The following FOCAD variants were observed in gnomAD, a reference collection of about 807,000 sequenced individuals.
FOCAD encodes focadhesin.
In FOCAD, 198 loss-of-function variants were observed where a neutral mutation model predicts 225.6. The observed-to-expected ratio is 0.88, with a 90% CI of 0.78 to 0.99. The LOEUF (loss-of-function observed/expected upper bound fraction) is 0.99, where lower values mean the gene tolerates loss of function less well. Ranked by LOEUF, FOCAD falls within the 50% of genes least tolerant of loss-of-function variation. FOCAD has a pLI of 0.00. For missense variants in FOCAD, 2,713 were observed against 2,123.6 expected (o/e 1.28, Z -5.46); for synonymous variants, 897 against 755.0 (o/e 1.19, Z -3.08).
At chr9:20,797,318 A>T (rs1821229446) in intron 11 of FOCAD, among the ~76,000 whole-genome samples, 1 of 152,164 alleles carries the variant, frequency 6.6e-6, no homozygotes, top group African/African-American at 2.4e-5. Flanking sequence ...TTGGTTCCGT[A>T]TGAACTTTAA....
At chr9:20,715,924 CT>C (rs1442628737) in intron 2 of FOCAD, among the ~76,000 whole-genome samples, 6 of 152,126 alleles carry the variant, frequency 3.9e-5, no homozygotes, top group Admixed American at 3.9e-4. Flanking sequence ...ACAAAGATGG[CT>C]TTCTGGGTAG....
chr9:20,883,736 G>C (rs1285123057), intron 20 of FOCAD, among the ~76,000 whole-genome samples: 1 of 152,312 alleles, frequency 6.6e-6, no homozygotes, highest in Non-Finnish European at 1.5e-5. Flanking sequence ...ACAACCTGTA[G>C]GTTGCAGCTA....
At chr9:20,938,352 T>C (rs1251932732) in intron 28 of FOCAD, among the ~76,000 whole-genome samples, 1 of 152,066 alleles carries the variant, frequency 6.6e-6, no homozygotes, top group Non-Finnish European at 1.5e-5. Context: ...AATGATAGAC[T>C]GGATTAAGAA....
intron 15 of FOCAD, among the ~76,000 whole-genome samples, chr9:20,824,168 C>T (rs982290597): frequency 1.3e-5 from 2 of 152,086 alleles, no homozygotes; most frequent in Non-Finnish European, 2.9e-5. Context: ...CAGGAGAATA[C>T]CACACATGCC....
chr9:20,865,697 A>G (rs1368265174), intron 16 of FOCAD, among the ~76,000 whole-genome samples: 1 of 152,110 alleles, frequency 6.6e-6, no homozygotes, highest in Admixed American at 6.6e-5. Context: ...AGGTTTCTAA[A>G]TTTCATTATC....
intron 1 of FOCAD, among the ~76,000 whole-genome samples, chr9:20,696,934 C>T (rs1823421391): frequency 1.3e-5 from 2 of 152,186 alleles, no homozygotes; most frequent in South Asian, 4.1e-4. Context: ...AGTCGGTCCT[C>T]TCCTGCCCTC....
rs576195100 is a variant in FOCAD, at chr9:20,723,634, A to G, written c.287+3100A>G. Among the ~76,000 whole-genome samples the G allele has an allele frequency of 1.6e-4, 25 of 152,348 alleles. 1 individual carries two copies. The highest frequency in any genetic ancestry group is 6.2e-4 in the South Asian group (3 of 4,832). ...CTGTTAGTAGGTCTTATTATATTCT[A>G]TGTAATATATAATAGAAAATTTGTA... On this transcript the variant is annotated intron_variant, in intron 4 of 43. Coordinates refer to ENST00000338382, the MANE Select transcript of FOCAD (RefSeq NM_001375567.1).
chr9:20,717,629 G>A (rs978856647), intron 2 of FOCAD, among the ~76,000 whole-genome samples, 165 bp from the exon 3 acceptor site: 2 of 152,182 alleles, frequency 1.3e-5, no homozygotes, highest in African/African-American at 4.8e-5. Context: ...ATTAGAAATT[G>A]TGCATGTGGA....
At chr9:20,766,524 A>C (rs962464080) in intron 7 of FOCAD, among the ~76,000 whole-genome samples, 2 of 151,922 alleles carry the variant, frequency 1.3e-5, no homozygotes, top group Non-Finnish European at 2.9e-5. Flanking sequence ...TTTGACCTTC[A>C]TTTTTCTCAT....
intron 11 of FOCAD, among the ~76,000 whole-genome samples, chr9:20,797,753 C>A (rs1442358800): frequency 6.6e-6 from 1 of 152,168 alleles, no homozygotes; most frequent in African/African-American, 2.4e-5. Flanking sequence ...TGGGCTGAGA[C>A]GATGGGGTTT....
intron 33 of FOCAD, among the ~76,000 whole-genome samples, chr9:20,950,020 G>C (rs912982594): frequency 2.6e-5 from 4 of 152,064 alleles, no homozygotes; most frequent in African/African-American, 9.7e-5. Context: ...GAAAGGTCAA[G>C]AGGCACTAAT....
chr9:20,919,240 A>G (rs1564151260), intron 24 of FOCAD, among the ~76,000 whole-genome samples: 1 of 152,204 alleles, frequency 6.6e-6, no homozygotes, highest in Non-Finnish European at 1.5e-5. Flanking sequence ...TAAAATACCT[A>G]GGAATCCAAC....
At chr9:20,972,302 T>G (rs563388078) in intron 35 of FOCAD, among the ~76,000 whole-genome samples, 3 of 152,290 alleles carry the variant, frequency 2.0e-5, no homozygotes, top group South Asian at 2.1e-4. Context: ...GGTGTTTTTG[T>G]TGCTATTGTT....
At chr9:20,821,714 T>G (rs1824342986) in intron 14 of FOCAD, among the ~76,000 whole-genome samples, 1 of 151,890 alleles carries the variant, frequency 6.6e-6, no homozygotes, top group African/African-American at 2.4e-5. Context: ...ACAGAAGAAA[T>G]GGACTTGATG....
chr9:20,659,226 C>T (rs572617940), intron 2 of FOCAD, among the ~76,000 whole-genome samples: 1 of 138,106 alleles, frequency 7.2e-6, no homozygotes, highest in Non-Finnish European at 1.6e-5. Flanking sequence ...CTCCCCTCCC[C>T]CCGCCCCACA....
At chr9:20,765,934 G>C (rs1231264891) in intron 7 of FOCAD, among the ~76,000 whole-genome samples, 2 of 152,150 alleles carry the variant, frequency 1.3e-5, no homozygotes, top group Non-Finnish European at 2.9e-5. Context: ...GTGTTAGCAG[G>C]GAGTGACTTG....
intron 6 of FOCAD, among the ~76,000 whole-genome samples, chr9:20,758,680 A>G (rs1829291074): frequency 6.6e-6 from 1 of 152,112 alleles, no homozygotes; most frequent in South Asian, 2.1e-4. Context: ...TCATGTCCCT[A>G]CAAAGGACCT....
intron 11 of FOCAD, among the ~76,000 whole-genome samples, chr9:20,790,146 T>G (rs545220706): frequency 3.3e-5 from 5 of 152,194 alleles, no homozygotes; most frequent in Non-Finnish European, 5.9e-5. Context: ...CAATTTTTCT[T>G]CCTAACTGCA....
intron 20 of FOCAD, among the ~76,000 whole-genome samples, chr9:20,882,303 C>T (rs766368156): frequency 1.3e-5 from 2 of 152,160 alleles, no homozygotes; most frequent in Non-Finnish European, 2.9e-5. Context: ...GGGGGATACC[C>T]ACTCAGCCCA....
Sources: allele counts gnomAD v4.1 joint callset (sites outside exome capture counted in the v4.1 genomes callset), GRCh38; gene constraint gnomAD v4.1.1; transcripts MANE v1.5; gene names NCBI Gene and HGNC (gene_info 2026-07-23, HGNC 2026-07-21).